The following KIF16B variants were observed in gnomAD, a reference collection of about 807,000 sequenced individuals.
KIF16B encodes kinesin family member 16B.
In KIF16B, 98 loss-of-function variants were observed where a neutral mutation model predicts 156.3. The observed-to-expected ratio is 0.63, with a 90% CI of 0.53 to 0.74. The LOEUF (loss-of-function observed/expected upper bound fraction) is 0.74, where lower values mean the gene tolerates loss of function less well. Ranked by LOEUF, KIF16B falls within the 30% of genes least tolerant of loss-of-function variation. The pLI, the probability that KIF16B is intolerant of heterozygous loss-of-function variation, is 0.00. For synonymous variants in KIF16B, 564 were observed against 583.7 expected, an observed-to-expected ratio of 0.97 and a Z score of 0.49; for missense variants, 1,421 against 1,606.5, an observed-to-expected ratio of 0.88 and a Z score of 1.97.
At chr20:16,394,828 C>G (rs150511341) in intron 17 of KIF16B, among the ~76,000 whole-genome samples, 1 of 152,094 alleles carries the variant, frequency 6.6e-6, no homozygotes, top group Non-Finnish European at 1.5e-5. Flanking sequence ...TCCCAGGACA[C>G]GCAGTGGGGA....
intron 1 of KIF16B, among the ~76,000 whole-genome samples, chr20:16,540,803 A>C (rs2070167346): frequency 6.6e-6 from 1 of 152,186 alleles, no homozygotes; most frequent in African/African-American, 2.4e-5. Flanking sequence ...AGGAAGCCCG[A>C]TTAAACTGAA....
At chr20:16,451,327 A>G (rs2146603505) in intron 12 of KIF16B, among the ~76,000 whole-genome samples, 1 of 151,034 alleles carries the variant, frequency 6.6e-6, no homozygotes, top group African/African-American at 2.5e-5. Context: ...ATAATGAGAG[A>G]CAGAAAAAAA....
intron 1 of KIF16B, among the ~76,000 whole-genome samples, chr20:16,548,312 C>T (rs917854570): frequency 1.3e-5 from 2 of 152,130 alleles, no homozygotes; most frequent in African/African-American, 2.4e-5. Flanking sequence ...AAAGCTGACA[C>T]AGACACACGT....
At chr20:16,375,470 G>A (rs187659798) in intron 19 of KIF16B, among the ~76,000 whole-genome samples, 1 of 152,284 alleles carries the variant, frequency 6.6e-6, no homozygotes, top group Admixed American at 6.5e-5. Flanking sequence ...ACAGGGTCAT[G>A]AGGGTAAGCA....
intron 24 of KIF16B, among the ~76,000 whole-genome samples, chr20:16,325,811 T>G (rs1165183280): frequency 6.6e-6 from 1 of 151,968 alleles, no homozygotes; most frequent in East Asian, 1.9e-4. Flanking sequence ...CTAAAATTCC[T>G]ATGGAACCAA....
At chr20:16,565,074 T>A (rs2122127159) in intron 1 of KIF16B, among the ~76,000 whole-genome samples, 1 of 146,382 alleles carries the variant, frequency 6.8e-6, no homozygotes, top group East Asian at 1.9e-4. Flanking sequence ...TAATAGTAAC[T>A]ATGATTTAGT....
intron 1 of KIF16B, among the ~76,000 whole-genome samples, chr20:16,554,625 G>A (rs1023488705): frequency 6.6e-6 from 1 of 152,248 alleles, no homozygotes; most frequent in Non-Finnish European, 1.5e-5. Flanking sequence ...AGCATGAACA[G>A]GGCCAAAACA....
At chr20:16,286,772 T>A (rs2063228604) in intron 25 of KIF16B, among the ~76,000 whole-genome samples, 1 of 152,124 alleles carries the variant, frequency 6.6e-6, no homozygotes, top group African/African-American at 2.4e-5. Flanking sequence ...CAGTGGTACG[T>A]GTGATATTTG....
chr20:16,554,654 T>C (rs115767198), intron 1 of KIF16B, among the ~76,000 whole-genome samples: 2 of 152,038 alleles, frequency 1.3e-5, no homozygotes, highest in Non-Finnish European at 2.9e-5. Context: ...GCTCACCACG[T>C]TGCAGGCAAC....
intron 3 of KIF16B, among the ~76,000 whole-genome samples, chr20:16,525,325 C>T (rs1237324724): frequency 6.6e-6 from 1 of 152,150 alleles, no homozygotes. Context: ...TCTAAAGAAG[C>T]TGTCAACGAG....
chr20:16,361,243 C>T (rs1201503720), intron 22 of KIF16B, among the ~76,000 whole-genome samples: 1 of 152,092 alleles, frequency 6.6e-6, no homozygotes, highest in Non-Finnish European at 1.5e-5. Flanking sequence ...CTATTATGCC[C>T]CAACAATTTG....
At chr20:16,410,016 T>C (rs577061546) in intron 15 of KIF16B, among the ~76,000 whole-genome samples, 14 of 105,040 alleles carry the variant, frequency 1.3e-4, no homozygotes, top group Non-Finnish European at 2.4e-4. Context: ...TATATGTAGG[T>C]ACATATATAT....
At chr20:16,359,436 C>T (rs930411652) in intron 22 of KIF16B, among the ~76,000 whole-genome samples, 12 of 152,104 alleles carry the variant, frequency 7.9e-5, no homozygotes, top group African/African-American at 2.9e-4. Flanking sequence ...TGAGGCTTCC[C>T]CAGAATAAGA....
intron 12 of KIF16B, among the ~76,000 whole-genome samples, chr20:16,456,755 T>C (rs2067223346): frequency 6.6e-6 from 1 of 152,122 alleles, no homozygotes; most frequent in African/African-American, 2.4e-5. Flanking sequence ...AACCATGGAT[T>C]CTGTGCCTGT....
At chr20:16,392,775 C>T (rs1241968112) in intron 17 of KIF16B, among the ~76,000 whole-genome samples, 1 of 152,200 alleles carries the variant, frequency 6.6e-6, no homozygotes, top group Non-Finnish European at 1.5e-5. Context: ...CCTTCCTTCC[C>T]TTATTTCTCT....
At chr20:16,489,939 C>T (rs2146904902) in intron 12 of KIF16B, among the ~76,000 whole-genome samples, 1 of 152,108 alleles carries the variant, frequency 6.6e-6, no homozygotes, top group Admixed American at 6.5e-5. Context: ...AATAAAAATG[C>T]ACAATCATAC....
chr20:16,411,494 C>T (rs549856249), intron 15 of KIF16B, among the ~76,000 whole-genome samples: 66 of 152,124 alleles, frequency 4.3e-4, no homozygotes, highest in African/African-American at 1.5e-3. Flanking sequence ...TCCTGTGTTT[C>T]TTATCACTGT....
At chr20:16,450,404 C>T (rs1253507030) in intron 12 of KIF16B, among the ~76,000 whole-genome samples, 2 of 152,116 alleles carry the variant, frequency 1.3e-5, no homozygotes, top group Non-Finnish European at 2.9e-5. Context: ...TACCAAAATG[C>T]CAGGTCAGCC....
chr20:16,325,937 G>T (rs907515084), intron 24 of KIF16B, among the ~76,000 whole-genome samples: 9 of 152,086 alleles, frequency 5.9e-5, no homozygotes, highest in African/African-American at 2.2e-4. Context: ...CATGTTACTG[G>T]TATAAAAATA....
Sources: gnomAD v4.1 joint callset for allele counts (sites outside exome capture counted in the v4.1 genomes callset) on GRCh38, gnomAD v4.1.1 for gene constraint, MANE v1.5 for transcripts, NCBI Gene and HGNC (gene_info 2026-07-23, HGNC 2026-07-21) for gene names.